HAPLN2: variants seen among roughly 807,000 people sequenced by gnomAD.
HAPLN2 encodes hyaluronan and proteoglycan link protein 2.
HAPLN2 carries 27 observed loss-of-function variants against 29.3 expected under a neutral mutation model. That is an observed-to-expected ratio of 0.92 (90% CI 0.68 to 1.27). The LOEUF is 1.27. Ranked by LOEUF, HAPLN2 falls within the 50% of genes most tolerant of loss-of-function variation. The pLI, the probability that HAPLN2 is intolerant of heterozygous loss-of-function variation, is 0.00. For synonymous variants in HAPLN2, 208 were observed against 211.7 expected, an observed-to-expected ratio of 0.98 and a Z score of 0.15; for missense variants, 454 against 484.3, an observed-to-expected ratio of 0.94 and a Z score of 0.59.
the HAPLN2 span, among the ~76,000 whole-genome samples, chr1:156,602,344 C>T: frequency 5.9e-5 from 9 of 152,076 alleles, no homozygotes; most frequent in South Asian, 1.5e-3. Context: ...GGGGAACACC[C>T]AGTCTAGCCT....
chr1:156,624,909 G>GGGGGCCC, intron 6 of HAPLN2, 126 bp downstream of exon 6: 10 of 999,496 alleles, frequency 1.0e-5, no homozygotes, highest in Non-Finnish European at 1.2e-5. Flanking sequence ...CCCCCCATCA[G>GGGGGCCC]CCCGCCCGCC....
At chr1:156,616,331 A>G (rs1425342586), upstream of HAPLN2, among the ~76,000 whole-genome samples, 1 of 152,296 alleles carries the variant, frequency 6.6e-6, no homozygotes, top group East Asian at 1.9e-4. Context: ...AATGAAAGTG[A>G]CCTTGAGTAA....
In HAPLN2 at chr1:156,625,256, A is replaced by AGTGTGCGCTTCCCAACC; in HGVS notation, c.910_911insCCGTGTGCGCTTCCCAA (p.Ile304ThrfsTer116). The stretch of plus-strand genomic sequence containing the variant: ...CGACGGCGGCTGGCTGGCTGACGGC[A>AGTGTGCGCTTCCCAACC]GTGTGCGCTTCCCAATCACCACGCC... On this transcript the variant is annotated frameshift_variant, in exon 7 of 7. Transcript: ENST00000255039. LOFTEE classifies it low-confidence loss of function (END_TRUNC). The surrounding 1 kb of genome is among the most constrained non-coding windows in gnomAD (Gnocchi z 5.7). 1 of 1,575,110 alleles carries AGTGTGCGCTTCCCAACC rather than the reference A, an allele frequency of 6.3e-7. No individual in the cohort carries two copies. The highest frequency in any genetic ancestry group is 8.6e-7 in the Non-Finnish European group (1 of 1,161,512).
chr1:156,613,091 C>T, the HAPLN2 span, among the ~76,000 whole-genome samples: 2 of 152,226 alleles, frequency 1.3e-5, no homozygotes, highest in Non-Finnish European at 2.9e-5. Context: ...TGGCTCACGC[C>T]TGTAATCCCA....
chr1:156,611,662 A>G, the HAPLN2 span, among the ~76,000 whole-genome samples: 3 of 152,374 alleles, frequency 2.0e-5, no homozygotes, highest in African/African-American at 7.2e-5. Context: ...CCTTCAATCA[A>G]TCAGTAGCTG....
At chr1:156,601,557 C>G in the HAPLN2 span, 4 of 1,220,832 alleles carry the variant, frequency 3.3e-6, no homozygotes, top group African/African-American at 3.0e-5. Flanking sequence ...CCAGGAGAAA[C>G]CATTGCGGAG....
At chr1:156,623,718 C>G (rs1308878442) in intron 3 of HAPLN2, 89 bp from the exon 4 acceptor site, 3 of 1,487,190 alleles carry the variant, frequency 2.0e-6, no homozygotes, top group Non-Finnish European at 1.8e-6. Context: ...TTGGGGGGCT[C>G]TGGAGAAAGC....
chr1:156,608,326 G>A, the HAPLN2 span, among the ~76,000 whole-genome samples: 1 of 152,064 alleles, frequency 6.6e-6, no homozygotes, highest in African/African-American at 2.4e-5. Flanking sequence ...GCCCCTTGGT[G>A]TCATCATTCT....
chr1:156,614,555 C>T (rs994139553), upstream of HAPLN2, among the ~76,000 whole-genome samples: 5 of 152,116 alleles, frequency 3.3e-5, no homozygotes, highest in African/African-American at 1.2e-4. Flanking sequence ...CAATCCTGGT[C>T]TGAGAATGGT....
At chr1:156,606,175 A>G in the HAPLN2 span, among the ~76,000 whole-genome samples, 1 of 152,160 alleles carries the variant, frequency 6.6e-6, no homozygotes, top group African/African-American at 2.4e-5. Context: ...GAGGCCAGAG[A>G]ATCGCTTGAA....
At chr1:156,624,909 G>GGCCCCCCCCCCCCCCC in intron 6 of HAPLN2, 126 bp downstream of exon 6, 3 of 999,496 alleles carry the variant, frequency 3.0e-6, no homozygotes, top group South Asian at 3.6e-5. Flanking sequence ...CCCCCCATCA[G>GGCCCCCCCCCCCCCCC]CCCGCCCGCC....
At chr1:156,606,136 C>T in the HAPLN2 span, among the ~76,000 whole-genome samples, 2 of 152,008 alleles carry the variant, frequency 1.3e-5, no homozygotes, top group Non-Finnish European at 2.9e-5. Context: ...TGGTGGCAGG[C>T]GCCTATAATC....
the HAPLN2 span, among the ~76,000 whole-genome samples, chr1:156,609,990 C>T: frequency 2.6e-5 from 4 of 151,808 alleles, no homozygotes; most frequent in South Asian, 2.1e-4. Flanking sequence ...TCGAGGTGGG[C>T]GGATCATGAG....
In HAPLN2 at chr1:156,623,048, AT is replaced by A. The variant is rs1246130982; in HGVS notation, c.-24-418del. On this transcript the variant is annotated intron_variant, in intron 2 of 6. Transcript: ENST00000255039. ...CACTCTGTCTCAAAAAAATAAATAA[AT>A]AAATAAATAAATAAATAAATAAATA... is the stretch of plus-strand genomic sequence containing the variant. Among the ~76,000 whole-genome samples the A allele has an allele frequency of 2.5e-3, 340 of 137,766 alleles. 10 individuals are homozygous for A. Among genetic ancestry groups the A allele is most frequent in the African/African-American group, 8.5e-3 (287 of 33,862 alleles). The allele number at this position is 137,766 out of a possible 152,430, so 90.4% of individuals were successfully genotyped here.
upstream of HAPLN2, among the ~76,000 whole-genome samples, chr1:156,616,139 G>A (rs1283805695): frequency 1.3e-5 from 2 of 151,704 alleles, no homozygotes; most frequent in African/African-American, 2.4e-5. Flanking sequence ...GGAAGCGAGT[G>A]TGGGTGTTAG....
the HAPLN2 span, among the ~76,000 whole-genome samples, chr1:156,604,746 G>A: frequency 6.6e-6 from 1 of 152,186 alleles, no homozygotes; most frequent in Admixed American, 6.5e-5. Context: ...AACAAAAGAT[G>A]TGCAAGCTTT....
the HAPLN2 span, among the ~76,000 whole-genome samples, chr1:156,603,458 TATATG>T: frequency 1.4e-5 from 2 of 144,936 alleles, no homozygotes; most frequent in Non-Finnish European, 3.0e-5. Context: ...CTATCTAAAA[TATATG>T]TGTGTGTGTA....
chr1:156,616,799 A>G (rs1371868084), upstream of HAPLN2, among the ~76,000 whole-genome samples: 1 of 152,130 alleles, frequency 6.6e-6, no homozygotes, highest in East Asian at 1.9e-4. Flanking sequence ...TCTCAAGAGT[A>G]TAGTCGGCCG....
chr1:156,608,009 T>A, the HAPLN2 span, among the ~76,000 whole-genome samples: 1 of 152,238 alleles, frequency 6.6e-6, no homozygotes, highest in East Asian at 1.9e-4. Context: ...TCTAATTTTC[T>A]GACTTCATTA....
Sources: gnomAD v4.1 joint callset for allele counts (sites outside exome capture counted in the v4.1 genomes callset) on GRCh38, gnomAD v4.1.1 for gene constraint, Gnocchi (gnomAD v3.1) non-coding constraint, MANE v1.5 for transcripts, NCBI Gene and HGNC (gene_info 2026-07-23, HGNC 2026-07-21) for gene names.